The following FOCAD variants were observed in gnomAD, a reference collection of about 807,000 sequenced individuals.
The protein encoded by FOCAD is focadhesin, also known as KIAA1797.
FOCAD carries 198 observed loss-of-function variants against 225.6 expected under a neutral mutation model. That is an observed-to-expected ratio of 0.88 (90% CI 0.78 to 0.99). The LOEUF is 0.99. Among genes scored for constraint, FOCAD ranks in the 50% least tolerant of loss-of-function variants. The pLI is 0.00. For synonymous variants in FOCAD, 897 were observed against 755.0 expected (o/e 1.19, Z -3.08); for missense variants, 2,713 against 2,123.6 (o/e 1.28, Z -5.46).
chr9:20,724,618 A>G (rs894461685), intron 4 of FOCAD, among the ~76,000 whole-genome samples: 1 of 152,182 alleles, frequency 6.6e-6, no homozygotes, highest in African/African-American at 2.4e-5. Context: ...GCCAGTGGAT[A>G]TAATAATTAT....
chr9:20,975,169 A>C (rs965277190), intron 35 of FOCAD, among the ~76,000 whole-genome samples: 2 of 152,052 alleles, frequency 1.3e-5, no homozygotes, highest in East Asian at 3.9e-4. Context: ...GGTCTTCTAC[A>C]TTTTAATGTG....
chr9:20,874,945 C>A, intron 19 of FOCAD, 138 bp downstream of exon 19: 1 of 1,103,008 alleles, frequency 9.1e-7, no homozygotes, highest in Non-Finnish European at 1.3e-6. Context: ...ATGCACCCAT[C>A]TGTTCTATTG....
intron 4 of FOCAD, among the ~76,000 whole-genome samples, chr9:20,725,908 T>C (rs886197586): frequency 3.3e-5 from 5 of 152,182 alleles, no homozygotes; most frequent in African/African-American, 1.2e-4. Flanking sequence ...AACTCGTTTT[T>C]ATAGCTTCTG....
chr9:20,766,503 A>G (rs1830062836), intron 7 of FOCAD, among the ~76,000 whole-genome samples: 1 of 152,078 alleles, frequency 6.6e-6, no homozygotes, highest in African/African-American at 2.4e-5. Context: ...CATTTTTTTT[A>G]GCAAGTACTT....
intron 1 of FOCAD, chr9:20,694,602 C>G (rs1377495009): frequency 6.6e-6 from 1 of 152,124 alleles, no homozygotes; most frequent in Non-Finnish European, 1.5e-5. Context: ...TGCAATCTTG[C>G]AATCTCTAGT....
At chr9:20,958,143 TA>T (rs1838371298) in intron 35 of FOCAD, among the ~76,000 whole-genome samples, 1 of 152,196 alleles carries the variant, frequency 6.6e-6, no homozygotes, top group South Asian at 2.1e-4. Flanking sequence ...GACTGTTTTT[TA>T]TAGAGTTTTG....
intron 5 of FOCAD, among the ~76,000 whole-genome samples, chr9:20,749,434 C>G (rs530261233): frequency 1.3e-5 from 2 of 152,018 alleles, no homozygotes; most frequent in Admixed American, 6.6e-5. Flanking sequence ...TTAGTTTTTC[C>G]TTTTGAATTA....
chr9:20,790,525 A>C (rs1163328520), intron 11 of FOCAD, among the ~76,000 whole-genome samples: 2 of 152,208 alleles, frequency 1.3e-5, no homozygotes, highest in Non-Finnish European at 2.9e-5. Flanking sequence ...TAATCCCAGC[A>C]CTTTGGAAGG....
At chr9:20,735,197 A>G (rs1161218613) in intron 4 of FOCAD, among the ~76,000 whole-genome samples, 2 of 152,032 alleles carry the variant, frequency 1.3e-5, no homozygotes, top group African/African-American at 4.8e-5. Context: ...TTTTGTGGGC[A>G]TGTATGCTGT....
At chr9:20,755,020 G>T (rs920385804) in intron 5 of FOCAD, among the ~76,000 whole-genome samples, 6 of 152,176 alleles carry the variant, frequency 3.9e-5, no homozygotes, top group African/African-American at 1.4e-4. Flanking sequence ...AATTGTGGCA[G>T]TTATAATTGA....
chr9:20,706,447 C>T (rs1248751849), intron 1 of FOCAD, among the ~76,000 whole-genome samples: 1 of 152,130 alleles, frequency 6.6e-6, no homozygotes, highest in Non-Finnish European at 1.5e-5. Flanking sequence ...ATCATCTGAA[C>T]TCATAGTCAT....
At chr9:20,736,027 T>C (rs1292630009) in intron 4 of FOCAD, among the ~76,000 whole-genome samples, 2 of 152,146 alleles carry the variant, frequency 1.3e-5, no homozygotes, top group Non-Finnish European at 2.9e-5. Flanking sequence ...TCTTTTCTGG[T>C]ATTTTACTCA....
intron 2 of FOCAD, chr9:20,716,022 GC>G: frequency 2.8e-6 from 1 of 351,880 alleles, no homozygotes; most frequent in Non-Finnish European, 6.9e-6. Context: ...TAACAGACCA[GC>G]AGAAGCCATC....
At position 20,815,356 on chromosome 9, in the gene FOCAD, A is replaced by G. The variant is rs543810536; in HGVS notation, c.1456-4440A>G. Among the ~76,000 whole-genome samples the G allele has an allele frequency of 1.3e-4, 20 of 149,746 alleles. 1 individual carries two copies. The South Asian group carries it at 3.8e-3, about 29-fold the overall frequency. On this transcript the variant is annotated intron_variant, in intron 11 of 43. Transcript: ENST00000338382. Reference sequence around the variant, plus strand: ...GGTGGGGTTTCACCATGTTGGCCCAACTGGTCTCGAACTCCTGATCTCAGG... The same window carrying G: ...GGTGGGGTTTCACCATGTTGGCCCAGCTGGTCTCGAACTCCTGATCTCAGG...
chr9:20,721,891 C>CCCCCCT (rs1554663429), intron 4 of FOCAD, among the ~76,000 whole-genome samples: 21 of 512 alleles, frequency 0.041, 1 homozygote, highest in Non-Finnish European at 0.068. Flanking sequence ...TCCCCTTCCT[C>CCCCCCT]CCCCTCCCCT....
intron 21 of FOCAD, chr9:20,897,143 T>C (rs1183594896): frequency 2.0e-5 from 3 of 151,910 alleles, no homozygotes; most frequent in Non-Finnish European, 4.4e-5. Context: ...TATTATATAA[T>C]GTCCCTCTTT....
chr9:20,700,425 A>G (rs565256774), intron 1 of FOCAD, among the ~76,000 whole-genome samples: 1 of 152,070 alleles, frequency 6.6e-6, no homozygotes, highest in African/African-American at 2.4e-5. Flanking sequence ...ATGTACCAAA[A>G]TTTATGACAG....
At chr9:20,894,394 G>A (rs1285915113) in intron 21 of FOCAD, among the ~76,000 whole-genome samples, 1 of 152,040 alleles carries the variant, frequency 6.6e-6, no homozygotes, top group African/African-American at 2.4e-5. Flanking sequence ...AAATGCCAAG[G>A]AGCACACTTG....
intron 6 of FOCAD, among the ~76,000 whole-genome samples, chr9:20,759,200 A>G (rs62557522): frequency 0.26 from 39,768 of 152,000 alleles, 5,413 homozygotes; most frequent in South Asian, 0.36. Flanking sequence ...GCCCAAGGCC[A>G]TTAAAAACTA....
Sources: gnomAD v4.1 joint callset for allele counts (sites outside exome capture counted in the v4.1 genomes callset) on GRCh38, gnomAD v4.1.1 for gene constraint, MANE v1.5 for transcripts, NCBI Gene and HGNC (gene_info 2026-07-23, HGNC 2026-07-21) for gene names.